Variants in ARHGAP40 observed in about 807,000 individuals in gnomAD.
The protein encoded by ARHGAP40 is Rho GTPase activating protein 40.
ARHGAP40 carries 43 observed loss-of-function variants against 73.5 expected under a neutral mutation model. That is an observed-to-expected ratio of 0.58 (90% CI 0.46 to 0.75). The LOEUF is 0.75. Among genes scored for constraint, ARHGAP40 ranks in the 30% least tolerant of loss-of-function variants. The pLI, the probability that ARHGAP40 is intolerant of heterozygous loss-of-function variation, is 0.00. For synonymous variants in ARHGAP40, 300 were observed against 352.8 expected (o/e 0.85, Z 1.68); for missense variants, 734 against 861.8 (o/e 0.85, Z 1.86).
chr20:38,622,831 T>C (rs2088880158), intron 1 of ARHGAP40, among the ~76,000 whole-genome samples: 1 of 152,134 alleles, frequency 6.6e-6, no homozygotes, highest in Admixed American at 6.5e-5. Context: ...GGCTCAGTGA[T>C]GTATAGCACC....
Position 38,639,276 on chromosome 20 carries a change from G to A in ARHGAP40, c.1169G>A (p.Trp390Ter), listed in dbSNP as rs924710971. 1 of 1,305,348 alleles carries A rather than the reference G, an allele frequency of 7.7e-7. No individual in the cohort carries two copies. Among genetic ancestry groups the A allele is most frequent in the African/African-American group, 1.5e-5 (1 of 65,878 alleles). 80.9% of individuals were successfully genotyped at this position (1,305,348 alleles called of 1,614,324 possible). The change falls in exon 9 of 15, where the codon TGG (tryptophan) becomes TAG (stop). Residue 390 changes from tryptophan (W) to a stop codon, truncating the protein, a stop_gained. Transcript: ENST00000373345. LOFTEE classifies it high-confidence loss of function. Reference sequence around the variant, plus strand: ...GACTTCTATGCTGGCCTTTTTAGCTGGGACGAGGTTCATCACAATGACGCC... The same window carrying A: ...GACTTCTATGCTGGCCTTTTTAGCTAGGACGAGGTTCATCACAATGACGCC...
chr20:38,606,928 C>T (rs759769531), intron 1 of ARHGAP40, among the ~76,000 whole-genome samples: 3 of 152,228 alleles, frequency 2.0e-5, no homozygotes, highest in Non-Finnish European at 4.4e-5. Flanking sequence ...AGCTTCACCA[C>T]TTATCAGCTG....
At chr20:38,638,910 G>A (rs903057003) in intron 8 of ARHGAP40, 72 bp downstream of exon 8, 6 of 1,238,692 alleles carry the variant, frequency 4.8e-6, no homozygotes, top group Non-Finnish European at 6.5e-6. Context: ...AAGCCGGGAG[G>A]GAAACCAGTC....
chr20:38,629,303 G>A (rs951242849), intron 4 of ARHGAP40, among the ~76,000 whole-genome samples, 199 bp from the exon 5 acceptor site: 1 of 152,206 alleles, frequency 6.6e-6, no homozygotes, highest in African/African-American at 2.4e-5. Flanking sequence ...ATTTCCTGGG[G>A]GCAATGGGCC....
At position 38,623,755 on chromosome 20, in the gene ARHGAP40, G is replaced by A. The variant is rs186618722; in HGVS notation, c.337+197G>A. ...CTGTTCTCCATGCCATAGTCAAGACGATCTTTTAGTAATGTAAATTAGATT... is the reference window on the plus strand; with the variant it reads ...CTGTTCTCCATGCCATAGTCAAGACAATCTTTTAGTAATGTAAATTAGATT... On this transcript the variant is annotated intron_variant, in intron 2 of 14. Transcript: ENST00000373345. Among the ~76,000 whole-genome samples the A allele has an allele frequency of 4.1e-4, 62 of 152,298 alleles. No individual in the cohort carries two copies. In the East Asian group the frequency reaches 8.7e-3, roughly 21 times the overall value.
chr20:38,648,845 T>A, intron 14 of ARHGAP40, 147 bp downstream of exon 14: 1 of 543,884 alleles, frequency 1.8e-6, no homozygotes, highest in Middle Eastern at 6.7e-4. Flanking sequence ...TGAAACCAGG[T>A]GGAGTCCTGC....
chr20:38,638,638 T>A (rs1342118308), intron 7 of ARHGAP40, 123 bp from the exon 8 acceptor site: 19 of 600,228 alleles, frequency 3.2e-5, no homozygotes, highest in Non-Finnish European at 5.1e-5. Flanking sequence ...ACTAATATTA[T>A]TCCGAAGGAA....
intron 1 of ARHGAP40, among the ~76,000 whole-genome samples, chr20:38,603,016 A>T (rs962899398): frequency 3.3e-5 from 5 of 152,236 alleles, no homozygotes; most frequent in Non-Finnish European, 5.9e-5. Context: ...CTAGACTTGT[A>T]GTTGCAAGTT....
chr20:38,617,044 C>A, intron 1 of ARHGAP40, among the ~76,000 whole-genome samples: 1 of 152,124 alleles, frequency 6.6e-6, no homozygotes, highest in East Asian at 1.9e-4. Flanking sequence ...TTCCTAGATT[C>A]GGTGGAACTG....
At chr20:38,629,626 T>C (rs1470768891) in exon 5 of ARHGAP40, 1 of 1,305,422 alleles carries the variant, frequency 7.7e-7, no homozygotes, top group Non-Finnish European at 1.0e-6. Flanking sequence ...GAGGCACCTC[T>C]GCCTGGGGCA....
intron 11 of ARHGAP40, among the ~76,000 whole-genome samples, chr20:38,644,732 C>T (rs1347901514): frequency 6.6e-6 from 1 of 150,568 alleles, no homozygotes; most frequent in Non-Finnish European, 1.5e-5. Flanking sequence ...TCCACTCACC[C>T]ATCCACCAAT....
At chr20:38,637,909 C>A in intron 7 of ARHGAP40, 110 bp downstream of exon 7, 2 of 884,132 alleles carry the variant, frequency 2.3e-6, no homozygotes, top group South Asian at 1.7e-5. Flanking sequence ...GCTTTAGAAT[C>A]AGGCAGACTT....
chr20:38,616,649 C>T (rs959864494), intron 1 of ARHGAP40, among the ~76,000 whole-genome samples: 2 of 152,222 alleles, frequency 1.3e-5, no homozygotes, highest in East Asian at 1.9e-4. Context: ...GTCACTTTAT[C>T]GCTGTGCCTC....
chr20:38,636,617 A>C (rs1355208201), intron 6 of ARHGAP40, among the ~76,000 whole-genome samples: 1 of 152,148 alleles, frequency 6.6e-6, no homozygotes, highest in African/African-American at 2.4e-5. Flanking sequence ...GTATTCTAAT[A>C]TATTTAACCA....
exon 11 of ARHGAP40, chr20:38,643,834 G>T: frequency 7.7e-7 from 1 of 1,305,460 alleles, no homozygotes; most frequent in African/African-American, 1.5e-5. Context: ...CTCCCCAAAG[G>T]CAAGGAGAAG....
At chr20:38,614,131 A>C (rs926400200) in intron 1 of ARHGAP40, among the ~76,000 whole-genome samples, 2 of 152,176 alleles carry the variant, frequency 1.3e-5, no homozygotes, top group African/African-American at 4.8e-5. Context: ...TGTGAGTGTT[A>C]CACTCAGAGG....
intron 11 of ARHGAP40, 29 bp downstream of exon 11, chr20:38,643,939 T>C: frequency 7.9e-7 from 1 of 1,267,544 alleles, no homozygotes; most frequent in Non-Finnish European, 1.0e-6. Context: ...TGGGTATCCC[T>C]CTGGGTGCAG....
intron 2 of ARHGAP40, among the ~76,000 whole-genome samples, chr20:38,625,422 AT>A (rs1601140473): frequency 6.7e-6 from 1 of 148,368 alleles, no homozygotes. Context: ...CTTTTTATTT[AT>A]TTATTTAATT....
intron 5 of ARHGAP40, among the ~76,000 whole-genome samples, chr20:38,630,280 T>C (rs1346595573): frequency 1.3e-5 from 2 of 151,422 alleles, no homozygotes; most frequent in East Asian, 1.9e-4. Flanking sequence ...AGTGCAGTGG[T>C]ACCATCCCAG....
Sources: gnomAD v4.1 joint callset for allele counts (sites outside exome capture counted in the v4.1 genomes callset) on GRCh38, gnomAD v4.1.1 for gene constraint, MANE v1.5 for transcripts, NCBI Gene and HGNC (gene_info 2026-07-23, HGNC 2026-07-21) for gene names.